RAPGEF2: variants seen among roughly 807,000 people sequenced by gnomAD.
RAPGEF2 encodes the protein Rap guanine nucleotide exchange factor 2, also known as PDZ domain containing guanine nucleotide exchange factor (GEF) 1.
RAPGEF2 carries 54 observed loss-of-function variants against 186.7 expected under a neutral mutation model. The observed-to-expected ratio is 0.29, with a 90% CI of 0.23 to 0.36. The LOEUF (loss-of-function observed/expected upper bound fraction) is 0.36, where lower values mean the gene tolerates loss of function less well. Ranked by LOEUF, RAPGEF2 falls within the 10% of genes least tolerant of loss-of-function variation. RAPGEF2 has a pLI of 1.00. For synonymous variants in RAPGEF2, 712 were observed against 705.9 expected (o/e 1.01, Z -0.14); for missense variants, 1,532 against 2,045.0 (o/e 0.75, Z 4.84).
chr4:159,259,563 T>C (rs1374460139), intron 7 of RAPGEF2, among the ~76,000 whole-genome samples: 3 of 152,234 alleles, frequency 2.0e-5, no homozygotes, highest in Non-Finnish European at 4.4e-5. Flanking sequence ...AACAAAGGGA[T>C]GACCGTGTAA....
chr4:159,234,979 C>T (rs757893512), intron 4 of RAPGEF2, among the ~76,000 whole-genome samples: 3 of 152,102 alleles, frequency 2.0e-5, no homozygotes, highest in African/African-American at 7.2e-5. Context: ...AGGCTGGTCT[C>T]GAACTCCTAA....
At chr4:159,163,527 G>A (rs1579343531) in intron 1 of RAPGEF2, among the ~76,000 whole-genome samples, 2 of 152,270 alleles carry the variant, frequency 1.3e-5, no homozygotes, top group East Asian at 1.9e-4. Context: ...CTCGTATCAT[G>A]TGTTGTACAA....
chr4:159,188,872 G>C (rs1359556963), intron 2 of RAPGEF2, among the ~76,000 whole-genome samples: 1 of 152,172 alleles, frequency 6.6e-6, no homozygotes, highest in Non-Finnish European at 1.5e-5. Context: ...TTGTTGGCAT[G>C]AACCTACAGG....
At chr4:159,162,221 C>CA (rs35274144) in intron 1 of RAPGEF2, among the ~76,000 whole-genome samples, 37,979 of 98,080 alleles carry the variant, frequency 0.39, 6,428 homozygotes, top group South Asian at 0.47. Context: ...TGTGTTTCTT[C>CA]AAAAAAAAAA....
At chr4:159,325,382 G>A (rs1051812110) in intron 11 of RAPGEF2, among the ~76,000 whole-genome samples, 6 of 152,070 alleles carry the variant, frequency 3.9e-5, no homozygotes, top group African/African-American at 1.4e-4. Context: ...TTATTTAGCG[G>A]GAATGGGCAT....
intron 4 of RAPGEF2, among the ~76,000 whole-genome samples, chr4:159,231,025 T>C (rs572144570): frequency 6.6e-6 from 1 of 152,320 alleles, no homozygotes; most frequent in African/African-American, 2.4e-5. Flanking sequence ...TGTGTAATAA[T>C]GTTTTAATCA....
intron 1 of RAPGEF2, among the ~76,000 whole-genome samples, chr4:159,159,343 A>G (rs570140549): frequency 6.6e-6 from 1 of 152,366 alleles, no homozygotes; most frequent in Middle Eastern, 3.4e-3. Flanking sequence ...TTCAATCTGT[A>G]TGGAGAAAAT....
At chr4:159,230,651 CT>C (rs1752532417) in intron 4 of RAPGEF2, among the ~76,000 whole-genome samples, 1 of 152,076 alleles carries the variant, frequency 6.6e-6, no homozygotes, top group Non-Finnish European at 1.5e-5. Context: ...GGGGGTAACC[CT>C]AAAGCTCTTT....
chr4:159,251,155 C>T (rs1030119464), intron 7 of RAPGEF2, among the ~76,000 whole-genome samples: 2 of 152,224 alleles, frequency 1.3e-5, no homozygotes, highest in African/African-American at 4.8e-5. Context: ...CTCGCCAGGC[C>T]TCAGCCACCT....
At chr4:159,269,493 T>C (rs899364552) in intron 7 of RAPGEF2, among the ~76,000 whole-genome samples, 1 of 152,214 alleles carries the variant, frequency 6.6e-6, no homozygotes, top group African/African-American at 2.4e-5. Context: ...GAAGTTCCAT[T>C]GTAGTTTGAT....
chr4:159,344,563 A>G (rs2111283228), intron 23 of RAPGEF2, among the ~76,000 whole-genome samples: 1 of 152,300 alleles, frequency 6.6e-6, no homozygotes, highest in Admixed American at 6.5e-5. Flanking sequence ...AATTCTTAAC[A>G]ATTCATGTGC....
intron 1 of RAPGEF2, among the ~76,000 whole-genome samples, chr4:159,142,225 C>A (rs1470364854): frequency 1.3e-5 from 2 of 152,052 alleles, no homozygotes; most frequent in African/African-American, 4.8e-5. Flanking sequence ...TGTCTTTATT[C>A]TTTCTTCCCT....
intron 1 of RAPGEF2, among the ~76,000 whole-genome samples, chr4:159,171,055 A>C (rs182308045): frequency 2.0e-5 from 3 of 152,106 alleles, no homozygotes; most frequent in African/African-American, 7.2e-5. Flanking sequence ...TACCCTGTCT[A>C]CTTCTTAAGT....
At position 159,303,316 on chromosome 4, in the gene RAPGEF2, C is replaced by T. The variant is rs766127202; in HGVS notation, c.544-1026C>T. On this transcript the variant is annotated intron_variant, in intron 7 of 29. Coordinates refer to ENST00000691494, the MANE Select transcript of RAPGEF2 (RefSeq NM_001394067.2). ...TGGACGGGAATACTACTAAGGTTAA[C>T]GTTTATTTAAGTTTTAACAATTAGT... Among the ~76,000 whole-genome samples the T allele has an allele frequency of 1.5e-4, 23 of 152,138 alleles. No homozygotes were observed. The South Asian group carries it at 1.9e-3, about 12-fold the overall frequency.
chr4:159,122,661 T>G (rs1023420860), intron 1 of RAPGEF2, among the ~76,000 whole-genome samples: 1 of 152,218 alleles, frequency 6.6e-6, no homozygotes, highest in South Asian at 2.1e-4. Flanking sequence ...GTTGCTTTCG[T>G]GTCATGAGTA....
chr4:159,111,659 G>A (rs957035083), intron 1 of RAPGEF2, among the ~76,000 whole-genome samples: 7 of 152,158 alleles, frequency 4.6e-5, no homozygotes, highest in African/African-American at 1.7e-4. Flanking sequence ...TGGTACTATG[G>A]TGATTATCTG....
chr4:159,182,996 G>A (rs12330977), intron 1 of RAPGEF2, among the ~76,000 whole-genome samples: 49,295 of 151,904 alleles, frequency 0.32, 8,266 homozygotes, highest in Non-Finnish European at 0.36. Flanking sequence ...AATACTACTC[G>A]GATTGGTCTG....
At position 159,265,169 on chromosome 4, in the gene RAPGEF2, CAAG is replaced by C. The variant is rs1202726843; in HGVS notation, c.543+21381_543+21383del. Among the ~76,000 whole-genome samples, 3 of 152,166 alleles carry C rather than the reference CAAG, an allele frequency of 2.0e-5. No individual in the cohort carries two copies. In the East Asian group the frequency reaches 5.8e-4, roughly 29 times the overall value. ...GTCAGTGGAAGGTTCACTCACTCAACAAGAACGTGAGTGCCTACAGTGCTTGGT... is the reference window on the plus strand; with the variant it reads ...GTCAGTGGAAGGTTCACTCACTCAACAACGTGAGTGCCTACAGTGCTTGGT... On this transcript the variant is annotated intron_variant, in intron 7 of 29. Transcript: ENST00000691494.
At chr4:159,174,409 C>G (rs930437176) in intron 1 of RAPGEF2, among the ~76,000 whole-genome samples, 1 of 152,206 alleles carries the variant, frequency 6.6e-6, no homozygotes, top group Non-Finnish European at 1.5e-5. Context: ...TTCTTCAGCT[C>G]TTGTCCCTTG....
Sources: gnomAD v4.1 joint callset for allele counts (sites outside exome capture counted in the v4.1 genomes callset) on GRCh38, gnomAD v4.1.1 for gene constraint, MANE v1.5 for transcripts, NCBI Gene and HGNC (gene_info 2026-07-23, HGNC 2026-07-21) for gene names.